The following PANK1 variants were observed in gnomAD, a reference collection of about 807,000 sequenced individuals.
PANK1 encodes pantothenate kinase 1.
A neutral mutation model predicts 40.1 loss-of-function variants in PANK1; 18 were observed. That is an observed-to-expected ratio of 0.45 (90% CI 0.31 to 0.67). The LOEUF (loss-of-function observed/expected upper bound fraction) is 0.67, where lower values mean the gene tolerates loss of function less well. PANK1 is among the 30% of genes least tolerant of loss of function. PANK1 has a pLI of 0.06. For missense variants in PANK1, 457 were observed against 599.6 expected (o/e 0.76, Z 2.48); for synonymous variants, 242 against 237.7 (o/e 1.02, Z -0.17).
intron 2 of PANK1, among the ~76,000 whole-genome samples, chr10:89,600,639 G>A (rs998014985): frequency 4.6e-5 from 7 of 152,154 alleles, no homozygotes; most frequent in African/African-American, 1.7e-4. Flanking sequence ...AGACAAAAAT[G>A]TACAGGGGCA....
intron 1 of PANK1, among the ~76,000 whole-genome samples, chr10:89,621,559 C>T (rs949756323): frequency 6.6e-6 from 1 of 152,130 alleles, no homozygotes; most frequent in Non-Finnish European, 1.5e-5. Flanking sequence ...AGGTTAGTCA[C>T]AATAGGTATC....
At chr10:89,616,853 G>A (rs1490323688) in intron 1 of PANK1, among the ~76,000 whole-genome samples, 3 of 151,988 alleles carry the variant, frequency 2.0e-5, no homozygotes, top group Admixed American at 1.3e-4. Flanking sequence ...CTCAGGAGGC[G>A]GAGGTTGCAG....
chr10:89,624,388 CAAT>C (rs1845598318), intron 1 of PANK1, among the ~76,000 whole-genome samples: 1 of 152,122 alleles, frequency 6.6e-6, no homozygotes, highest in South Asian at 2.1e-4. Flanking sequence ...TTTACACCAA[CAAT>C]AATAAAATAT....
In PANK1 at chr10:89,593,881, T is replaced by C. The variant is rs765177022; in HGVS notation, c.1008A>G (p.Lys336=). 6.2e-7 allele frequency: 1 copy of C among 1,613,906 alleles called. No individual in the cohort carries two copies. ...CTCCTCCGTAAATGTCCTTCACCAG[T>C]TTATCAACATTGGTGCTGTCGCCTT... ...AAKGDSTNVD[K]LVKDIYGGDY... Residue 336 remains lysine, a synonymous_variant, in exon 4 of 7, where the codon AAA becomes AAG. Coordinates refer to ENST00000307534, the MANE Select transcript of PANK1 (RefSeq NM_148977.3).
intron 3 of PANK1, 106 bp from the exon 4 acceptor site, chr10:89,594,095 C>A (rs1230027503): frequency 4.1e-6 from 3 of 735,024 alleles, no homozygotes; most frequent in African/African-American, 3.5e-5. Context: ...AGCAGACGAA[C>A]AAAGGGGCAC....
In PANK1 at chr10:89,644,902, G is replaced by A; in HGVS notation, c.-11C>T. 6.5e-7 allele frequency: 1 copy of A among 1,527,470 alleles called. No individual in the cohort carries two copies. Among genetic ancestry groups the A allele is most frequent in the Non-Finnish European group, 8.8e-7 (1 of 1,141,644 alleles). The allele number at this position is 1,527,470 out of a possible 1,614,324, so 94.6% of individuals were successfully genotyped here. On this transcript the variant is annotated 5_prime_UTR_variant, in exon 1 of 7. Coordinates refer to ENST00000307534, the MANE Select transcript of PANK1 (RefSeq NM_148977.3). The stretch of plus-strand genomic sequence containing the variant: ...GCTGCGGTCGCCCATGCCGGGGGCT[G>A]GCGGGGCTGTGCGCGGGCCCCGGCT...
chr10:89,603,757 A>C (rs1289138043), intron 2 of PANK1, among the ~76,000 whole-genome samples: 1 of 152,196 alleles, frequency 6.6e-6, no homozygotes, highest in Non-Finnish European at 1.5e-5. Flanking sequence ...GTTGGTTAAA[A>C]TGCAGGCTGC....
chr10:89,593,359 C>T (rs768556326), intron 4 of PANK1, 39 bp from the exon 5 acceptor site: 2 of 1,603,540 alleles, frequency 1.2e-6, no homozygotes, highest in East Asian at 2.2e-5. Context: ...CAAAATCGTC[C>T]TCAGGCAGGG....
chr10:89,639,396 T>C (rs1213181692), intron 1 of PANK1, among the ~76,000 whole-genome samples: 2 of 152,204 alleles, frequency 1.3e-5, no homozygotes, highest in Admixed American at 6.5e-5. Context: ...TTCCAACACA[T>C]GAGTTCTGGG....
At chr10:89,622,947 C>T (rs551615829) in intron 1 of PANK1, among the ~76,000 whole-genome samples, 1 of 151,976 alleles carries the variant, frequency 6.6e-6, no homozygotes, top group Admixed American at 6.6e-5. Context: ...TATTCATTAA[C>T]ACAAAGTGAT....
chr10:89,603,645 C>T (rs1339526765), intron 2 of PANK1, among the ~76,000 whole-genome samples: 1 of 152,102 alleles, frequency 6.6e-6, no homozygotes, highest in African/African-American at 2.4e-5. Context: ...CCAACTACAA[C>T]TCTGAAAAAC....
intron 1 of PANK1, among the ~76,000 whole-genome samples, chr10:89,637,404 G>A: frequency 6.6e-6 from 1 of 152,198 alleles, no homozygotes; most frequent in East Asian, 1.9e-4. Context: ...AGACGCTATA[G>A]CCTACTACAG....
chr10:89,643,829 G>A, intron 1 of PANK1: 2 of 1,577,102 alleles, frequency 1.3e-6, no homozygotes, highest in African/African-American at 1.4e-5. Context: ...CTGTGGGGAA[G>A]GTACACTTTA....
At chr10:89,641,094 G>A (rs920173301) in intron 1 of PANK1, among the ~76,000 whole-genome samples, 5 of 152,198 alleles carry the variant, frequency 3.3e-5, no homozygotes, top group Non-Finnish European at 5.9e-5. Flanking sequence ...CAATACTAGA[G>A]TGTGCTCCTG....
chr10:89,598,171 C>T (rs1401789986), intron 3 of PANK1, among the ~76,000 whole-genome samples: 1 of 152,224 alleles, frequency 6.6e-6, no homozygotes, highest in Non-Finnish European at 1.5e-5. Context: ...AGATGTCAAA[C>T]ATGTCCTGGG....
rs139198392 is a variant in PANK1, at chr10:89,640,238, G to C, written c.292+4362C>G. On this transcript the variant is annotated intron_variant, in intron 1 of 6. Coordinates refer to ENST00000307534, the MANE Select transcript of PANK1 (RefSeq NM_148977.3). ...AGCTACTTTCATTACTGGGTAAATC[G>C]AAGCTACTGTCATGACTTTTTCCAC... is the stretch of plus-strand genomic sequence containing the variant. Among the ~76,000 whole-genome samples the C allele has an allele frequency of 7.9e-3, 1,209 of 152,306 alleles. 20 individuals are homozygous for C. The highest frequency in any genetic ancestry group is 0.027 in the African/African-American group (1,141 of 41,558).
chr10:89,584,526 T>C, intron 6 of PANK1, 61 bp from the exon 7 acceptor site: 1 of 1,110,866 alleles, frequency 9.0e-7, no homozygotes, highest in East Asian at 2.4e-5. Context: ...TTGTTTTTAA[T>C]AATTCTAGGA....
At chr10:89,603,821 C>A (rs890647450) in intron 2 of PANK1, among the ~76,000 whole-genome samples, 1 of 152,080 alleles carries the variant, frequency 6.6e-6, no homozygotes, top group Non-Finnish European at 1.5e-5. Flanking sequence ...ACGAAAGGGG[C>A]CATCTATGAG....
chr10:89,613,681 A>T (rs1206351505), intron 1 of PANK1, among the ~76,000 whole-genome samples: 1 of 152,264 alleles, frequency 6.6e-6, no homozygotes, highest in Non-Finnish European at 1.5e-5. Context: ...TACAAAGCAA[A>T]TTCTGCAACC....
Sources: allele counts gnomAD v4.1 joint callset (sites outside exome capture counted in the v4.1 genomes callset), GRCh38; gene constraint gnomAD v4.1.1; transcripts MANE v1.5; gene names NCBI Gene and HGNC (gene_info 2026-07-23, HGNC 2026-07-21).